The following PITPNB variants were observed in gnomAD, a reference collection of about 807,000 sequenced individuals.
PITPNB encodes the protein phosphatidylinositol transfer protein beta isoform.
A neutral mutation model predicts 45.9 loss-of-function variants in PITPNB; 16 were observed. The observed-to-expected ratio is 0.35, with a 90% confidence interval of 0.24 to 0.53. The LOEUF (loss-of-function observed/expected upper bound fraction) is 0.53. PITPNB is among the 20% of genes least tolerant of loss of function. The pLI, the probability that PITPNB is intolerant of heterozygous loss-of-function variation, is 0.93. For missense variants in PITPNB, 188 were observed against 330.5 expected, an observed-to-expected ratio of 0.57 and a Z score of 3.34; for synonymous variants, 112 against 108.9, an observed-to-expected ratio of 1.03 and a Z score of -0.18.
chr22:27,918,276 C>T (rs1334086860), intron 1 of PITPNB, among the ~76,000 whole-genome samples: 1 of 151,936 alleles, frequency 6.6e-6, no homozygotes, highest in African/African-American at 2.4e-5. Flanking sequence ...TAAATTAAGC[C>T]AAAAATATTT....
chr22:27,887,911 A>G (rs745604471), intron 7 of PITPNB, among the ~76,000 whole-genome samples: 11 of 152,154 alleles, frequency 7.2e-5, no homozygotes, highest in Non-Finnish European at 8.8e-5. Flanking sequence ...CTAAATATGT[A>G]GTGATCTCTT....
chr22:27,879,489 G>A (rs942254910), intron 7 of PITPNB, among the ~76,000 whole-genome samples: 6 of 152,304 alleles, frequency 3.9e-5, no homozygotes, highest in Non-Finnish European at 8.8e-5. Flanking sequence ...ACTCTCCTCA[G>A]GGGGAGGTGG....
chr22:27,915,694 CT>C (rs1054421062), intron 1 of PITPNB, among the ~76,000 whole-genome samples: 3 of 152,192 alleles, frequency 2.0e-5, no homozygotes, highest in African/African-American at 4.8e-5. Flanking sequence ...CAAGAATAAA[CT>C]TTTTGTAAGT....
rs1935836058 is a variant in PITPNB at position 27,908,785 on chromosome 22, A to T, written c.197+2179T>A. ...TTTTTCAGATATACTTAGGGTACTA[A>T]CAAATTAATAGAAACCATGAAAAGA... On this transcript the variant is annotated intron_variant, in intron 3 of 11. Coordinates refer to ENST00000335272, the MANE Select transcript of PITPNB (RefSeq NM_012399.5). Among the ~76,000 whole-genome samples the T allele has an allele frequency of 2.0e-5, 3 of 152,212 alleles. No individual in the cohort carries two copies. The South Asian group carries it at 6.2e-4, about 32-fold the overall frequency.
intron 3 of PITPNB, among the ~76,000 whole-genome samples, chr22:27,907,658 A>G (rs1218886578): frequency 6.6e-6 from 1 of 151,760 alleles, no homozygotes; most frequent in Non-Finnish European, 1.5e-5. Context: ...CCAACCTTCT[A>G]TGGGAATCAA....
chr22:27,914,459 T>C, intron 1 of PITPNB, 112 bp from the exon 2 acceptor site: 1 of 638,920 alleles, frequency 1.6e-6, no homozygotes, highest in East Asian at 3.0e-5. Context: ...GTCTCTTAAA[T>C]CAAAAAAATA....
intron 3 of PITPNB, among the ~76,000 whole-genome samples, chr22:27,904,395 T>G (rs1168339600): frequency 6.6e-6 from 1 of 152,166 alleles, no homozygotes; most frequent in Non-Finnish European, 1.5e-5. Context: ...TATTACATGA[T>G]TCCATTTATA....
chr22:27,860,802 CAAATG>C (rs1422079510), intron 8 of PITPNB, among the ~76,000 whole-genome samples: 3 of 152,138 alleles, frequency 2.0e-5, no homozygotes, highest in Admixed American at 6.5e-5. Flanking sequence ...TCAATTTCCA[CAAATG>C]ACTACACCTC....
chr22:27,896,692 G>A (rs1462009468), intron 5 of PITPNB, 66 bp from the exon 6 acceptor site: 1 of 1,075,414 alleles, frequency 9.3e-7, no homozygotes, highest in East Asian at 2.4e-5. Flanking sequence ...CACGTCTGAG[G>A]GAGCTTTTCC....
intron 7 of PITPNB, among the ~76,000 whole-genome samples, chr22:27,891,714 C>G (rs975130550): frequency 6.6e-6 from 1 of 152,130 alleles, no homozygotes; most frequent in Non-Finnish European, 1.5e-5. Flanking sequence ...GTAAAACGTG[C>G]CTGATTCCCC....
chr22:27,860,911 G>A (rs1465318793), intron 8 of PITPNB, among the ~76,000 whole-genome samples: 4 of 151,830 alleles, frequency 2.6e-5, no homozygotes, highest in East Asian at 1.9e-4. Flanking sequence ...AGAGATGCTG[G>A]GTACACTGGC....
rs116977538 is a variant in PITPNB at position 27,908,599 on chromosome 22, C to T, written c.197+2365G>A. Among the ~76,000 whole-genome samples, 535 of 152,094 alleles carry T rather than the reference C, an allele frequency of 3.5e-3. 7 individuals are homozygous for T. Among genetic ancestry groups the T allele is most frequent in the Middle Eastern group, 0.01 (3 of 294 alleles). Reference sequence around the variant, plus strand: ...AGAACCCCCAGGAAGAGTCCAGTGTCTTTAAGAGGAACTTTTATATGTGGT... The same window carrying T: ...AGAACCCCCAGGAAGAGTCCAGTGTTTTTAAGAGGAACTTTTATATGTGGT... On this transcript the variant is annotated intron_variant, in intron 3 of 11. Coordinates refer to ENST00000335272, the MANE Select transcript of PITPNB (RefSeq NM_012399.5).
chr22:27,914,099 C>A (rs2146432010), intron 2 of PITPNB, among the ~76,000 whole-genome samples: 1 of 152,298 alleles, frequency 6.6e-6, no homozygotes, highest in South Asian at 2.1e-4. Context: ...AAACTACATT[C>A]TTTAGACTCT....
At chr22:27,900,564 C>T (rs1022064746) in intron 3 of PITPNB, among the ~76,000 whole-genome samples, 8 of 151,408 alleles carry the variant, frequency 5.3e-5, no homozygotes, top group Non-Finnish European at 1.0e-4. Context: ...TTCAAATTTA[C>T]TTTTTTTTTA....
intron 8 of PITPNB, among the ~76,000 whole-genome samples, chr22:27,867,003 CTTTA>C (rs894068442): frequency 1.3e-5 from 2 of 152,178 alleles, no homozygotes; most frequent in African/African-American, 4.8e-5. Context: ...GTAACCTAAA[CTTTA>C]TTTAGGTAAC....
chr22:27,872,080 G>GT (rs1934677386), intron 8 of PITPNB, among the ~76,000 whole-genome samples: 2 of 110,662 alleles, frequency 1.8e-5, no homozygotes, highest in Non-Finnish European at 3.6e-5. Flanking sequence ...AATTAAGCCT[G>GT]GTTTTTTTTT....
At chr22:27,902,882 G>T (rs190811891) in intron 3 of PITPNB, among the ~76,000 whole-genome samples, 1 of 152,106 alleles carries the variant, frequency 6.6e-6, no homozygotes, top group Admixed American at 6.5e-5. Context: ...CTGTGACTGG[G>T]CTAATTTTTA....
chr22:27,894,574 C>T lies in PITPNB; in HGVS notation c.437G>A (p.Arg146Lys), dbSNP rs1461122871. ...ACTTACTGCTGGTTCAACTTGACTT[C>T]TATCTGCAATATCTATATGGACAAT... ...VEIVHIDIAD[R>K]SQVEPADYKA... Residue 146 changes from arginine (R) to lysine (K), a missense_variant, in exon 7 of 12, where the codon AGA (arginine) becomes AAA (lysine). By Grantham distance (26) the Arg-to-Lys change is conservative (BLOSUM62 2). Transcript: ENST00000335272. 2 of 1,586,950 alleles carry T rather than the reference C, an allele frequency of 1.3e-6. No individual in the cohort carries two copies. Among genetic ancestry groups the T allele is most frequent in the South Asian group, 2.2e-5 (2 of 90,440 alleles).
Position 27,878,354 on chromosome 22 carries a change from T to A in PITPNB, c.457-4539A>T, listed in dbSNP as rs148055117. On this transcript the variant is annotated intron_variant, in intron 7 of 11. Coordinates refer to ENST00000335272, the MANE Select transcript of PITPNB (RefSeq NM_012399.5). ...CAAGCTGACAAAATTCAAGCGAGAC[T>A]CCAAAGAGTAAGTAAGCCCATTAAA... 4.0e-3 allele frequency among the ~76,000 whole-genome samples: 611 copies of A among 152,202 alleles called. 4 individuals carry two copies. Among genetic ancestry groups the A allele is most frequent in the Middle Eastern group, 6.8e-3 (2 of 294 alleles).
Sources: allele counts gnomAD v4.1 joint callset (sites outside exome capture counted in the v4.1 genomes callset), GRCh38; gene constraint gnomAD v4.1.1; transcripts MANE v1.5; gene names NCBI Gene and HGNC (gene_info 2026-07-23, HGNC 2026-07-21).